The following ZNF69 variants were observed in gnomAD, a reference collection of about 807,000 sequenced individuals.
The protein encoded by ZNF69 is ZNF3.
ZNF69 carries 47 observed loss-of-function variants against 50.9 expected under a neutral mutation model. That is an observed-to-expected ratio of 0.92 (90% CI 0.73 to 1.18). The LOEUF (loss-of-function observed/expected upper bound fraction) is 1.18. Among genes scored for constraint, ZNF69 ranks in the 50% most tolerant of loss-of-function variants. The pLI is 0.00. For missense variants in ZNF69, 717 were observed against 675.1 expected (o/e 1.06, Z -0.69); for synonymous variants, 216 against 223.1 (o/e 0.97, Z 0.29).
At chr19:11,945,802 G>T in the ZNF69 span, among the ~76,000 whole-genome samples, 1 of 152,018 alleles carries the variant, frequency 6.6e-6, no homozygotes, top group Non-Finnish European at 1.5e-5. Flanking sequence ...AGAGATGGTG[G>T]CTCTCAGCTT....
chr19:11,945,262 C>T, the ZNF69 span, among the ~76,000 whole-genome samples: 4 of 152,220 alleles, frequency 2.6e-5, no homozygotes, highest in Admixed American at 6.5e-5. Flanking sequence ...TTGGCCAGTA[C>T]TGCAAAGTTT....
chr19:11,888,066 G>A, intron 1 of ZNF69, 80 bp downstream of exon 1: 1 of 1,438,606 alleles, frequency 7.0e-7, no homozygotes, highest in Non-Finnish European at 9.6e-7. Context: ...CGAGACCCTG[G>A]CTTTCCTGCG....
the ZNF69 span, among the ~76,000 whole-genome samples, chr19:11,943,032 G>A: frequency 6.6e-6 from 1 of 152,192 alleles, no homozygotes; most frequent in African/African-American, 2.4e-5. Flanking sequence ...CATTTTGGTG[G>A]ACCAAGGTAG....
chr19:11,972,438 A>G, the ZNF69 span, among the ~76,000 whole-genome samples: 2 of 152,262 alleles, frequency 1.3e-5, no homozygotes, highest in South Asian at 4.1e-4. Context: ...CTAGAAACTT[A>G]GTAAAAATAT....
chr19:11,934,867 C>A, the ZNF69 span, among the ~76,000 whole-genome samples: 2 of 147,450 alleles, frequency 1.4e-5, no homozygotes. Flanking sequence ...TGTAGAGCAT[C>A]CTGTCATATG....
At chr19:11,974,888 C>G in the ZNF69 span, among the ~76,000 whole-genome samples, 2 of 152,144 alleles carry the variant, frequency 1.3e-5, no homozygotes, top group African/African-American at 4.8e-5. Context: ...CAGGCATGAG[C>G]CACCACACCT....
rs540184010 is a variant in ZNF69 at position 11,896,326 on chromosome 19, A to G, written c.64-7247A>G. Among the ~76,000 whole-genome samples the G allele has an allele frequency of 7.3e-5, 11 of 150,486 alleles. No homozygotes were observed. In the South Asian group the frequency reaches 8.4e-4, roughly 11 times the overall value. On this transcript the variant is annotated intron_variant, in intron 1 of 3. Coordinates refer to ENST00000429654, the MANE Select transcript of ZNF69 (RefSeq NM_001364730.1). ...ATAATACCATTTTCTCTTAATTAGT[A>G]TAACGTTCAAAGCTGTGGTGTTTAG...
At chr19:11,889,721 A>C (rs1048951912) in intron 1 of ZNF69, among the ~76,000 whole-genome samples, 30 of 152,198 alleles carry the variant, frequency 2.0e-4, no homozygotes, top group Admixed American at 1.3e-3. Context: ...GGGAAAGAAC[A>C]GTGGGCCCAG....
At chr19:11,947,657 G>T in the ZNF69 span, 4 of 1,268,678 alleles carry the variant, frequency 3.2e-6, no homozygotes, top group East Asian at 9.3e-5. Flanking sequence ...GTAAAACAAA[G>T]AACTAAATCC....
At chr19:11,973,670 C>A in the ZNF69 span, among the ~76,000 whole-genome samples, 1 of 151,870 alleles carries the variant, frequency 6.6e-6, no homozygotes, top group Admixed American at 6.6e-5. Context: ...TTGCTTGAGG[C>A]CATCAGTTAG....
the ZNF69 span, among the ~76,000 whole-genome samples, chr19:11,931,543 A>G: frequency 6.7e-6 from 1 of 148,268 alleles, no homozygotes. Flanking sequence ...TCTATAGAGG[A>G]TCTTGTCTAT....
downstream of ZNF69, among the ~76,000 whole-genome samples, chr19:11,916,805 T>G (rs431481): frequency 6.7e-6 from 1 of 150,206 alleles, no homozygotes; most frequent in Non-Finnish European, 1.5e-5. Flanking sequence ...ATCTAAGTCA[T>G]CATGGGAAGC....
the ZNF69 span, among the ~76,000 whole-genome samples, chr19:11,936,500 C>G: frequency 1.3e-5 from 2 of 152,170 alleles, no homozygotes; most frequent in Non-Finnish European, 2.9e-5. Context: ...TGAGAAATGT[C>G]TGTTCATGTC....
intron 1 of ZNF69, among the ~76,000 whole-genome samples, chr19:11,897,662 G>A (rs1462734719): frequency 3.3e-5 from 5 of 151,344 alleles, no homozygotes; most frequent in Non-Finnish European, 5.9e-5. Context: ...CACAAGGTCA[G>A]GAGATCGAGA....
chr19:11,904,600 A>C, intron 3 of ZNF69, 49 bp from the exon 4 acceptor site: 2 of 1,579,464 alleles, frequency 1.3e-6, no homozygotes, highest in Non-Finnish European at 1.7e-6. Flanking sequence ...GATTAATATA[A>C]AATTACTTAT....
chr19:11,969,232 G>C, the ZNF69 span, among the ~76,000 whole-genome samples: 1 of 152,182 alleles, frequency 6.6e-6, no homozygotes, highest in South Asian at 2.1e-4. Context: ...AGCCTTTCCA[G>C]TAGCTGGGAT....
At chr19:11,934,774 G>T in the ZNF69 span, among the ~76,000 whole-genome samples, 1 of 148,000 alleles carries the variant, frequency 6.8e-6, no homozygotes, top group Non-Finnish European at 1.5e-5. Context: ...TCATCCACCT[G>T]CCTCGGCTTC....
At chr19:11,968,378 G>C in the ZNF69 span, among the ~76,000 whole-genome samples, 2 of 152,088 alleles carry the variant, frequency 1.3e-5, no homozygotes, top group Non-Finnish European at 2.9e-5. Flanking sequence ...CAGTAGCTGA[G>C]AGTACAGTTG....
chr19:11,959,104 C>T, the ZNF69 span, among the ~76,000 whole-genome samples: 11 of 152,210 alleles, frequency 7.2e-5, no homozygotes, highest in South Asian at 1.2e-3. Flanking sequence ...CCAGGCTGGT[C>T]TCAAAGTCCT....
Sources: gnomAD v4.1 joint callset for allele counts (sites outside exome capture counted in the v4.1 genomes callset) on GRCh38, gnomAD v4.1.1 for gene constraint, MANE v1.5 for transcripts, NCBI Gene and HGNC (gene_info 2026-07-23, HGNC 2026-07-21) for gene names.